Variants in ZNF274 observed in about 807,000 individuals in gnomAD.
The protein encoded by ZNF274 is neurotrophin receptor-interacting factor homolog.
Under a neutral mutation model 42.5 loss-of-function variants are expected in ZNF274, and 23 were observed. The ratio of observed to expected loss-of-function variants is 0.54; its 90% confidence interval spans 0.39 to 0.77. The LOEUF (loss-of-function observed/expected upper bound fraction) is 0.77. ZNF274 is among the 30% of genes least tolerant of loss of function. The pLI, the probability that ZNF274 is intolerant of heterozygous loss-of-function variation, is 0.00. For missense variants in ZNF274, 679 were observed against 806.5 expected (o/e 0.84, Z 1.91); for synonymous variants, 292 against 305.4 (o/e 0.96, Z 0.46).
At chr19:58,193,863 C>G (rs576462505) in intron 4 of ZNF274, among the ~76,000 whole-genome samples, 5 of 151,874 alleles carry the variant, frequency 3.3e-5, no homozygotes, top group Non-Finnish European at 1.5e-5. Context: ...GAGTTTGAGG[C>G]TGCATTGAGC....
chr19:58,185,013 G>T (rs1001546246), intron 2 of ZNF274, among the ~76,000 whole-genome samples: 3 of 149,642 alleles, frequency 2.0e-5, no homozygotes, highest in Non-Finnish European at 4.5e-5. Flanking sequence ...CCAGCTACTC[G>T]GGAGGCTGAG....
Position 58,190,325 on chromosome 19 carries a change from A to G in ZNF274, c.256+3283A>G, listed in dbSNP as rs543234830. ...ACTATGCCCGGCCAATTTTTTAATC[A>G]TCTGTAACAGTTGTGTTACATCATG... On this transcript the variant is annotated intron_variant, in intron 4 of 7. Transcript: ENST00000617501. Among the ~76,000 whole-genome samples the G allele has an allele frequency of 1.1e-4, 17 of 152,018 alleles. No individual in the cohort carries two copies. In the East Asian group the frequency reaches 2.7e-3, roughly 24 times the overall value.
Position 58,210,048 on chromosome 19 carries a change from T to A in ZNF274, c.827T>A (p.Ile276Asn), listed in dbSNP as rs771901706. 6.2e-7 allele frequency: 1 copy of A among 1,613,782 alleles called. No homozygotes were observed. The highest frequency in any genetic ancestry group is 1.7e-5 in the Admixed American group (1 of 60,004). ...QQEEKQEDAA[I>N]CPVTVLPEEP... ...GAGGAGAAGCAGGAGGATGCAGCCA[T>A]CTGCCCAGTGACAGTGCTCCCTGAG... Residue 276 changes from isoleucine (I) to asparagine (N), a missense_variant, in exon 6 of 8, where the codon ATC becomes AAC. By Grantham distance (149) the Ile-to-Asn change is moderately radical. Coordinates refer to ENST00000617501, the MANE Select transcript of ZNF274 (RefSeq NM_133502.3).
At chr19:58,201,458 G>A (rs1006032556) in intron 4 of ZNF274, among the ~76,000 whole-genome samples, 1 of 151,672 alleles carries the variant, frequency 6.6e-6, no homozygotes, top group African/African-American at 2.4e-5. Flanking sequence ...GAACCAAACC[G>A]GATCATCCAC....
intron 4 of ZNF274, among the ~76,000 whole-genome samples, chr19:58,200,803 C>A (rs1436142091): frequency 2.0e-5 from 3 of 152,090 alleles, no homozygotes; most frequent in African/African-American, 7.2e-5. Flanking sequence ...GCTGTAAATA[C>A]CTGAGACTGG....
Position 58,208,047 on chromosome 19 carries a change from G to A in ZNF274, c.739+845G>A, listed in dbSNP as rs561312270. 6.6e-6 allele frequency: 1 copy of A among 152,248 alleles called. No homozygotes were observed. Among genetic ancestry groups the A allele is most frequent in the East Asian group, 1.9e-4 (1 of 5,168 alleles). The allele number at this position is 152,248 out of a possible 1,614,324, so 9.4% of individuals were successfully genotyped here. On this transcript the variant is annotated intron_variant, in intron 5 of 7. Transcript: ENST00000617501. This position sits in a 1 kb window ranked among gnomAD's most constrained non-coding sequence, Gnocchi z 4.5. ...TGATGGTGATGTCTGACTGGGGAGA[G>A]ACTACACGTGTGGAGTGTGTATTTG...
At chr19:58,191,939 G>A (rs2075782840) in intron 4 of ZNF274, among the ~76,000 whole-genome samples, 1 of 152,130 alleles carries the variant, frequency 6.6e-6, no homozygotes, top group African/African-American at 2.4e-5. Flanking sequence ...AACAATGATG[G>A]CCTTTTACAA....
Position 58,207,105 on chromosome 19 carries a change from T to C in ZNF274, c.642T>C (p.Pro214=). 6.2e-7 allele frequency: 1 copy of C among 1,613,866 alleles called. No individual in the cohort carries two copies. The highest frequency in any genetic ancestry group is 2.2e-5 in the East Asian group (1 of 44,882). Residue 214 remains proline (P), a synonymous_variant, in exon 5 of 8, where the codon CCT becomes CCC. Transcript: ENST00000617501. This position sits in a 1 kb window ranked among gnomAD's most constrained non-coding sequence, Gnocchi z 5.6. ...LVLEQFLGAL[P]VKLRTWVESQ... ...TGGAGCAGTTCCTAGGTGCACTGCC[T>C]GTGAAGCTCCGGACATGGGTGGAAT...
At chr19:58,209,826 C>G (rs1474347713) in intron 5 of ZNF274, 135 bp from the exon 6 acceptor site, 6 of 599,982 alleles carry the variant, frequency 1.0e-5, no homozygotes, top group Non-Finnish European at 1.2e-5. Context: ...GAAGGGAGGA[C>G]AGGAGCAGAG....
intron 4 of ZNF274, among the ~76,000 whole-genome samples, chr19:58,188,764 A>G (rs281080): frequency 0.62 from 86,977 of 139,486 alleles, 27,795 homozygotes; most frequent in African/African-American, 0.74. Context: ...GCTCATGCCT[A>G]TAATCCCAGC....
At chr19:58,194,158 G>A (rs1188317039) in intron 4 of ZNF274, among the ~76,000 whole-genome samples, 1 of 151,854 alleles carries the variant, frequency 6.6e-6, no homozygotes, top group Non-Finnish European at 1.5e-5. Context: ...AGCCTGGGAG[G>A]TTGAGATTGC....
At chr19:58,184,112 A>T in intron 2 of ZNF274, 114 bp downstream of exon 2, 1 of 1,238,958 alleles carries the variant, frequency 8.1e-7, no homozygotes, top group Non-Finnish European at 1.1e-6. Context: ...CACCTCGGGG[A>T]GGGGGTAGAG....
chr19:58,185,936 C>T (rs2075692754), intron 3 of ZNF274, 98 bp downstream of exon 3: 4 of 1,161,892 alleles, frequency 3.4e-6, no homozygotes, highest in Non-Finnish European at 4.5e-6. Flanking sequence ...TGCAGGGGCA[C>T]CAGTAGGAAA....
chr19:58,206,483 A>G (rs1016014537), intron 4 of ZNF274, among the ~76,000 whole-genome samples: 2 of 152,206 alleles, frequency 1.3e-5, no homozygotes, highest in Non-Finnish European at 2.9e-5. Context: ...ACTTCTGAGG[A>G]TTTACCAACC....
chr19:58,191,220 C>G (rs559948403), intron 4 of ZNF274, among the ~76,000 whole-genome samples: 3 of 152,220 alleles, frequency 2.0e-5, no homozygotes, highest in African/African-American at 7.2e-5. Flanking sequence ...TCACTGTAAC[C>G]TCTGCCTCCC....
Position 58,186,977 on chromosome 19 carries a change from C to T in ZNF274, c.191C>T (p.Ser64Phe). 1 of 1,613,784 alleles carries T rather than the reference C, an allele frequency of 6.2e-7. No homozygotes were observed. Among genetic ancestry groups the T allele is most frequent in the South Asian group, 1.1e-5 (1 of 91,002 alleles). The change falls in exon 4 of 8, where the codon TCT (serine) becomes TTT (phenylalanine). Residue 64 changes from serine (S) to phenylalanine (F), a missense_variant. By Grantham distance (155) the Ser-to-Phe change is radical (BLOSUM62 -2). Coordinates refer to ENST00000617501, the MANE Select transcript of ZNF274 (RefSeq NM_133502.3). The stretch of plus-strand genomic sequence containing the variant: ...CAGCTTTCCAAACCAGATGTGGTAT[C>T]TCAGTTAGAGGAGGCAGAAGATTTC... ...EHQLSKPDVV[S>F]QLEEAEDFWP...
At position 58,210,073 on chromosome 19, in the gene ZNF274, G is replaced by A; in HGVS notation, c.852G>A (p.Glu284=). Residue 284 remains glutamate, a splice_region_variant and synonymous_variant, in exon 6 of 8, where the codon GAG becomes GAA. Transcript: ENST00000617501. Reference sequence around the variant, plus strand: ...TCTGCCCAGTGACAGTGCTCCCTGAGGTAAGCGGGGAGTATCACCCTGTTT... The same window carrying A: ...TCTGCCCAGTGACAGTGCTCCCTGAAGTAAGCGGGGAGTATCACCCTGTTT... ...AAICPVTVLP[E]EPVTFQDVAV... 6.2e-7 allele frequency: 1 copy of A among 1,612,676 alleles called. No individual in the cohort carries two copies. The highest frequency in any genetic ancestry group is 8.5e-7 in the Non-Finnish European group (1 of 1,178,944).
chr19:58,201,169 TA>T (rs1415600020), intron 4 of ZNF274, among the ~76,000 whole-genome samples: 2 of 135,728 alleles, frequency 1.5e-5, no homozygotes, highest in Non-Finnish European at 3.2e-5. Flanking sequence ...TACGCCTGGC[TA>T]ATTTTTTTTT....
chr19:58,197,437 A>G (rs559278978), intron 4 of ZNF274, among the ~76,000 whole-genome samples: 36 of 152,360 alleles, frequency 2.4e-4, no homozygotes, highest in African/African-American at 8.4e-4. Flanking sequence ...TACATAAAAC[A>G]CTGATAAGTA....
Sources: allele counts gnomAD v4.1 joint callset (sites outside exome capture counted in the v4.1 genomes callset), GRCh38; gene constraint gnomAD v4.1.1; non-coding constraint Gnocchi (gnomAD v3.1); transcripts MANE v1.5; gene names NCBI Gene and HGNC (gene_info 2026-07-23, HGNC 2026-07-21).